Variants in UBE2E2 observed in about 807,000 individuals in gnomAD.
UBE2E2 encodes ubiquitin conjugating enzyme E2 E2.
In UBE2E2, 6 loss-of-function variants were observed where a neutral mutation model predicts 24.7. That is an observed-to-expected ratio of 0.24 (90% confidence interval 0.13 to 0.48). The LOEUF (loss-of-function observed/expected upper bound fraction) is 0.48. Ranked by LOEUF, UBE2E2 falls within the 20% of genes least tolerant of loss-of-function variation. The pLI, the probability that UBE2E2 is intolerant of heterozygous loss-of-function variation, is 0.99. For synonymous variants in UBE2E2, 104 were observed against 83.6 expected, an observed-to-expected ratio of 1.24 and a Z score of -1.33; for missense variants, 169 against 245.0, an observed-to-expected ratio of 0.69 and a Z score of 2.07.
chr3:23,344,395 A>T (rs758239395), intron 3 of UBE2E2, among the ~76,000 whole-genome samples: 2 of 152,094 alleles, frequency 1.3e-5, no homozygotes, highest in Non-Finnish European at 2.9e-5. Context: ...AGCCACAAAA[A>T]CCTTGCGCCT....
At chr3:23,438,312 G>T (rs144159362) in intron 3 of UBE2E2, among the ~76,000 whole-genome samples, 2 of 151,866 alleles carry the variant, frequency 1.3e-5, no homozygotes, top group Admixed American at 1.3e-4. Context: ...GAAGTGAGGG[G>T]GTCCAAATTA....
In UBE2E2 at chr3:23,449,752, C is replaced by G. The variant is rs916765818; in HGVS notation, c.228-49856C>G. On this transcript the variant is annotated intron_variant, in intron 3 of 5. Transcript: ENST00000396703. ...TTCTAAAAACTTATCTCATATAATT[C>G]TGTTTTGAATTAACTAAATAATCCA... 5 of 542,024 alleles carry G rather than the reference C, an allele frequency of 9.2e-6. No individual in the cohort carries two copies. In the Admixed American group the frequency reaches 2.5e-4, roughly 28 times the overall value. The allele number at this position is 542,024 out of a possible 1,614,324, so 33.6% of individuals were successfully genotyped here.
At chr3:23,268,546 TA>T in intron 3 of UBE2E2, among the ~76,000 whole-genome samples, 1 of 145,934 alleles carries the variant, frequency 6.9e-6, no homozygotes, top group Non-Finnish European at 1.5e-5. Flanking sequence ...CTCAATGAAA[TA>T]AAAGAGGATA....
chr3:23,352,613 C>G (rs1695789310), intron 3 of UBE2E2, among the ~76,000 whole-genome samples: 1 of 152,164 alleles, frequency 6.6e-6, no homozygotes, highest in South Asian at 2.1e-4. Context: ...CACCTCTACG[C>G]AAATAAACTA....
At chr3:23,405,067 G>C (rs1022507952) in intron 3 of UBE2E2, among the ~76,000 whole-genome samples, 2 of 152,176 alleles carry the variant, frequency 1.3e-5, no homozygotes, top group African/African-American at 4.8e-5. Context: ...TGCTGCTGCT[G>C]TAATCAGTGA....
intron 5 of UBE2E2, among the ~76,000 whole-genome samples, chr3:23,545,665 CT>C (rs552828497): frequency 4.3e-4 from 66 of 152,168 alleles, no homozygotes; most frequent in Non-Finnish European, 8.2e-4. Flanking sequence ...TACTGGGTAT[CT>C]ACCCAAAGGA....
intron 3 of UBE2E2, among the ~76,000 whole-genome samples, chr3:23,261,880 T>C (rs1325640419): frequency 2.6e-5 from 4 of 152,244 alleles, no homozygotes; most frequent in Non-Finnish European, 4.4e-5. Flanking sequence ...TATAGGTGTA[T>C]GGGCACTTAG....
At chr3:23,290,919 G>A (rs2201481) in intron 3 of UBE2E2, among the ~76,000 whole-genome samples, 106,875 of 145,744 alleles carry the variant, frequency 0.73, 39,571 homozygotes, top group African/African-American at 0.83. Context: ...AAAATTAGCC[G>A]GGCATGGTGG....
chr3:23,492,686 T>C (rs1243748819), intron 3 of UBE2E2, among the ~76,000 whole-genome samples: 1 of 152,160 alleles, frequency 6.6e-6, no homozygotes, highest in African/African-American at 2.4e-5. Flanking sequence ...CAATCAAGAT[T>C]TAGACTTAAC....
chr3:23,534,465 C>T (rs761939368), intron 5 of UBE2E2, among the ~76,000 whole-genome samples: 24 of 151,970 alleles, frequency 1.6e-4, no homozygotes, highest in Non-Finnish European at 2.6e-4. Flanking sequence ...AAGAACAAGC[C>T]TAAAAATAAT....
Position 23,291,867 on chromosome 3 carries a change from T to TTTC in UBE2E2, c.227+74557_227+74558insCTT, listed in dbSNP as rs1215690236. On this transcript the variant is annotated intron_variant, in intron 3 of 5. Transcript: ENST00000396703. ...CCGGCTAATTTTTTTTTTTTTTTTT[T>TTTC]TTTTTTTTTGAGACAGAGTCTCGCT... 1.2e-4 allele frequency among the ~76,000 whole-genome samples: 17 copies of TTTC among 136,122 alleles called. No homozygotes were observed. The Admixed American group carries it at 1.3e-3, about 10-fold the overall frequency. The allele number at this position is 136,122 out of a possible 152,430, so 89.3% of individuals were successfully genotyped here.
intron 4 of UBE2E2, among the ~76,000 whole-genome samples, chr3:23,527,233 C>G (rs951385027): frequency 1.3e-5 from 2 of 152,168 alleles, no homozygotes; most frequent in African/African-American, 4.8e-5. Flanking sequence ...GGTACAACCA[C>G]TCTGGGAAGG....
chr3:23,486,218 G>A (rs1378508645), intron 3 of UBE2E2, among the ~76,000 whole-genome samples: 3 of 152,198 alleles, frequency 2.0e-5, no homozygotes, highest in African/African-American at 7.2e-5. Context: ...TCAGTGGCAG[G>A]GAAGGCAGCT....
intron 3 of UBE2E2, among the ~76,000 whole-genome samples, chr3:23,462,804 G>T (rs777596668): frequency 4.6e-5 from 7 of 152,104 alleles, no homozygotes; most frequent in Non-Finnish European, 8.8e-5. Context: ...TTACGTCAGG[G>T]GGTAACTGTA....
chr3:23,433,448 G>A (rs1698112188), intron 3 of UBE2E2, among the ~76,000 whole-genome samples: 1 of 151,832 alleles, frequency 6.6e-6, no homozygotes. Context: ...TGAATGCTTT[G>A]GACTGATGTC....
chr3:23,317,347 C>T (rs1694609909), intron 3 of UBE2E2, among the ~76,000 whole-genome samples: 1 of 152,204 alleles, frequency 6.6e-6, no homozygotes, highest in Admixed American at 6.5e-5. Context: ...CCCAGCATTG[C>T]TTTCTGCTGT....
intron 1 of UBE2E2, among the ~76,000 whole-genome samples, chr3:23,207,513 T>G (rs1696182495): frequency 6.6e-6 from 1 of 152,238 alleles, no homozygotes; most frequent in African/African-American, 2.4e-5. Flanking sequence ...TATGGTTCAA[T>G]TTTTATTTAG....
intron 3 of UBE2E2, among the ~76,000 whole-genome samples, chr3:23,239,426 A>G (rs150453976): frequency 6.6e-6 from 1 of 152,098 alleles, no homozygotes; most frequent in South Asian, 2.1e-4. Flanking sequence ...ATCCATTAGC[A>G]TTCTCCATTC....
chr3:23,300,596 A>G (rs1699046542), intron 3 of UBE2E2, among the ~76,000 whole-genome samples: 1 of 152,250 alleles, frequency 6.6e-6, no homozygotes, highest in Non-Finnish European at 1.5e-5. Flanking sequence ...TTCTTTAAGA[A>G]TGTTGAATAT....
Sources: gnomAD v4.1 joint callset for allele counts (sites outside exome capture counted in the v4.1 genomes callset) on GRCh38, gnomAD v4.1.1 for gene constraint, MANE v1.5 for transcripts, NCBI Gene and HGNC (gene_info 2026-07-23, HGNC 2026-07-21) for gene names.